ZCWPW2: variants seen among roughly 807,000 people sequenced by gnomAD.
ZCWPW2 encodes zinc finger CW-type PWWP domain protein 2.
ZCWPW2 carries 45 observed loss-of-function variants against 46.6 expected under a neutral mutation model. The observed-to-expected ratio is 0.96, with a 90% CI of 0.76 to 1.24. ZCWPW2 has a LOEUF of 1.24. ZCWPW2 is among the 50% of genes most tolerant of loss of function. ZCWPW2 has a pLI of 0.00. For missense variants in ZCWPW2, 429 were observed against 403.9 expected, an observed-to-expected ratio of 1.06 and a Z score of -0.53; for synonymous variants, 152 against 137.1, an observed-to-expected ratio of 1.11 and a Z score of -0.76.
At chr3:28,478,986 GT>G in intron 5 of ZCWPW2, 55 bp downstream of exon 5, 1 of 1,165,250 alleles carries the variant, frequency 8.6e-7, no homozygotes, top group Non-Finnish European at 1.2e-6. Flanking sequence ...TCAAATGCAT[GT>G]TTTCCAAAAT....
chr3:28,380,956 ATATATATATATATATTTGG>A lies in ZCWPW2; in HGVS notation c.-133-9526_-133-9508del, dbSNP rs1559480606. 1.2e-3 allele frequency among the ~76,000 whole-genome samples: 53 copies of A among 46,018 alleles called. 2 individuals carry two copies. Among genetic ancestry groups the A allele is most frequent in the South Asian group, 2.0e-3 (3 of 1,538 alleles). 30.2% of individuals were successfully genotyped at this position (46,018 alleles called of 152,430 possible). On this transcript the variant is annotated intron_variant, in intron 1 of 9. Transcript: ENST00000383768. ...TTGGTATATATATATATATATATAT[ATATATATATATATATTTGG>A]TATATATATATATATATATATTTGG...
At chr3:28,476,494 C>A (rs1699242613) in intron 4 of ZCWPW2, among the ~76,000 whole-genome samples, 1 of 152,144 alleles carries the variant, frequency 6.6e-6, no homozygotes, top group Non-Finnish European at 1.5e-5. Context: ...AGCTATATGG[C>A]ACTGATTTTT....
intron 6 of ZCWPW2, among the ~76,000 whole-genome samples, chr3:28,504,988 T>C (rs1352735182): frequency 6.6e-6 from 1 of 152,146 alleles, no homozygotes; most frequent in Non-Finnish European, 1.5e-5. Flanking sequence ...AAAAAATAAA[T>C]TAAATGTAAG....
chr3:28,504,311 C>A (rs905776665), intron 6 of ZCWPW2, among the ~76,000 whole-genome samples: 2 of 152,086 alleles, frequency 1.3e-5, no homozygotes, highest in African/African-American at 4.8e-5. Context: ...CTATACTAGA[C>A]AACATTTTAA....
intron 2 of ZCWPW2, among the ~76,000 whole-genome samples, chr3:28,405,871 TGAG>T (rs1696136641): frequency 1.3e-5 from 2 of 152,206 alleles, no homozygotes; most frequent in African/African-American, 4.8e-5. Flanking sequence ...TAAGTAATCC[TGAG>T]GAGAATGTTG....
intron 3 of ZCWPW2, among the ~76,000 whole-genome samples, chr3:28,429,541 T>C (rs943978090): frequency 6.6e-5 from 10 of 152,344 alleles, no homozygotes; most frequent in African/African-American, 1.7e-4. Flanking sequence ...AAAACCCATT[T>C]TCTGAGAAGA....
At chr3:28,449,855 G>A (rs2125778484) in intron 4 of ZCWPW2, among the ~76,000 whole-genome samples, 1 of 152,110 alleles carries the variant, frequency 6.6e-6, no homozygotes, top group East Asian at 1.9e-4. Context: ...ATATTTAGTA[G>A]GTACATATCT....
chr3:28,472,691 A>G (rs971252941), intron 4 of ZCWPW2, among the ~76,000 whole-genome samples: 4 of 152,196 alleles, frequency 2.6e-5, no homozygotes, highest in Admixed American at 6.5e-5. Context: ...ATACCCCACA[A>G]GCACAGGCAA....
intron 3 of ZCWPW2, among the ~76,000 whole-genome samples, chr3:28,420,372 A>C (rs1348195901): frequency 2.0e-5 from 3 of 151,648 alleles, no homozygotes; most frequent in Non-Finnish European, 4.4e-5. Flanking sequence ...GAACATCTTT[A>C]TTTCTGCCTT....
chr3:28,355,249 A>G (rs934107198), intron 1 of ZCWPW2, among the ~76,000 whole-genome samples: 2 of 152,242 alleles, frequency 1.3e-5, no homozygotes, highest in Non-Finnish European at 1.5e-5. Flanking sequence ...CCCATTCACA[A>G]TTGCTTCAAA....
At chr3:28,388,822 C>T (rs1421322941) in intron 1 of ZCWPW2, among the ~76,000 whole-genome samples, 1 of 152,140 alleles carries the variant, frequency 6.6e-6, no homozygotes, top group East Asian at 1.9e-4. Flanking sequence ...TGATGTGGGC[C>T]ATTAAGTACT....
In ZCWPW2 at chr3:28,524,525, AGTTATC is replaced by A; in HGVS notation, c.910-1_914del. The stretch of plus-strand genomic sequence containing the variant: ...CCGATTAATTATATGGTTGTTTTGC[AGTTATC>A]TAAATGCAGCCCAGAAGCTCCTGCA... On this transcript the variant is annotated splice_acceptor_variant and coding_sequence_variant, in exon 10 of 10. Coordinates refer to ENST00000383768, the MANE Select transcript of ZCWPW2 (RefSeq NM_001040432.4). LOFTEE classifies it high-confidence loss of function. The A allele has an allele frequency of 6.2e-7, 1 of 1,600,640 alleles. No individual in the cohort carries two copies.
chr3:28,522,334 G>A (rs1700745706), intron 9 of ZCWPW2, among the ~76,000 whole-genome samples: 1 of 152,166 alleles, frequency 6.6e-6, no homozygotes, highest in Non-Finnish European at 1.5e-5. Flanking sequence ...TATTATTAAA[G>A]ACTGAAAATT....
rs575844640 is a variant in ZCWPW2, at chr3:28,518,220, T to A, written c.784+2599T>A. On this transcript the variant is annotated intron_variant, in intron 8 of 9. Coordinates refer to ENST00000383768, the MANE Select transcript of ZCWPW2 (RefSeq NM_001040432.4). The stretch of plus-strand genomic sequence containing the variant: ...TCTTTCATTTCTTTTTTTTTTTTTT[T>A]AACTTTCTCTGAGTAATGGAGTGGC... 3.5e-5 allele frequency among the ~76,000 whole-genome samples: 5 copies of A among 143,556 alleles called. No homozygotes were observed. The South Asian group carries it at 6.5e-4, about 19-fold the overall frequency. The allele number at this position is 143,556 out of a possible 152,430, so 94.2% of individuals were successfully genotyped here.
intron 2 of ZCWPW2, among the ~76,000 whole-genome samples, chr3:28,396,904 G>A (rs1312414665): frequency 6.6e-6 from 1 of 152,196 alleles, no homozygotes; most frequent in Non-Finnish European, 1.5e-5. Flanking sequence ...TGAGGTGGAT[G>A]GATTGCTTGA....
chr3:28,508,744 T>G (rs1006558819), intron 6 of ZCWPW2, among the ~76,000 whole-genome samples: 1 of 152,156 alleles, frequency 6.6e-6, no homozygotes, highest in Non-Finnish European at 1.5e-5. Context: ...GCCAGGCTTG[T>G]CTTGAACTCC....
At chr3:28,364,226 A>G (rs1225123939) in intron 1 of ZCWPW2, among the ~76,000 whole-genome samples, 1 of 152,200 alleles carries the variant, frequency 6.6e-6, no homozygotes, top group Non-Finnish European at 1.5e-5. Context: ...GGCATTATCT[A>G]TTATGTATGA....
At chr3:28,411,032 A>G (rs549265979) in intron 2 of ZCWPW2, among the ~76,000 whole-genome samples, 10 of 152,074 alleles carry the variant, frequency 6.6e-5, no homozygotes, top group African/African-American at 1.7e-4. Flanking sequence ...TTATTTAATG[A>G]AGTGATTTTA....
chr3:28,367,149 T>A (rs1278018621), intron 1 of ZCWPW2, among the ~76,000 whole-genome samples: 1 of 152,284 alleles, frequency 6.6e-6, no homozygotes, highest in East Asian at 1.9e-4. Context: ...TTTCCTTCAG[T>A]TCTGCTCTGA....
Sources: allele counts gnomAD v4.1 joint callset (sites outside exome capture counted in the v4.1 genomes callset), GRCh38; gene constraint gnomAD v4.1.1; transcripts MANE v1.5; gene names NCBI Gene and HGNC (gene_info 2026-07-23, HGNC 2026-07-21).